Variants in ADCY6 observed in about 807,000 individuals in gnomAD.
ADCY6 encodes adenylate cyclase 6, also known as adenylate cyclase type 6.
In ADCY6, 59 loss-of-function variants were observed where a neutral mutation model predicts 111.6. The ratio of observed to expected loss-of-function variants is 0.53; its 90% CI spans 0.43 to 0.66. ADCY6 has a LOEUF of 0.66. Ranked by LOEUF, ADCY6 falls within the 30% of genes least tolerant of loss-of-function variation. The pLI, the probability that ADCY6 is intolerant of heterozygous loss-of-function variation, is 0.00. For missense variants in ADCY6, 1,242 were observed against 1,595.6 expected, an observed-to-expected ratio of 0.78 and a Z score of 3.78; for synonymous variants, 576 against 642.9, an observed-to-expected ratio of 0.90 and a Z score of 1.57.
In ADCY6 at chr12:48,782,060, T is replaced by C. The variant is rs971280664; in HGVS notation, c.864+511A>G. Among the ~76,000 whole-genome samples the C allele has an allele frequency of 6.6e-6, 1 of 152,172 alleles. No homozygotes were observed. Among genetic ancestry groups the C allele is most frequent in the African/African-American group, 2.4e-5 (1 of 41,436 alleles). On this transcript the variant is annotated intron_variant, in intron 2 of 21. Transcript: ENST00000357869. This position sits in a 1 kb window ranked among gnomAD's most constrained non-coding sequence, Gnocchi z 4.3. ...GTCCAGGAAAGAGGGGACTCCTCTC[T>C]TGCTGACAACATCCAAAACCTGCTC...
At chr12:48,783,478 G>A (rs1485411617) in intron 1 of ADCY6, 40 bp from the exon 2 acceptor site, 2 of 1,612,886 alleles carry the variant, frequency 1.2e-6, no homozygotes, top group Non-Finnish European at 1.7e-6. Flanking sequence ...AGACCATCCA[G>A]TAGGAGTGGT....
intron 2 of ADCY6, among the ~76,000 whole-genome samples, chr12:48,778,856 A>G (rs1941773510): frequency 6.9e-6 from 1 of 145,856 alleles, no homozygotes; most frequent in Admixed American, 6.9e-5. Flanking sequence ...GGTGTCTTCT[A>G]TACACTGAAT....
Position 48,774,949 on chromosome 12 carries a change from G to A in ADCY6, c.2078+8C>T, listed in dbSNP as rs781593816. 6.4e-7 allele frequency: 1 copy of A among 1,551,548 alleles called. No individual in the cohort carries two copies. Among genetic ancestry groups the A allele is most frequent in the South Asian group, 1.2e-5 (1 of 84,104 alleles). On this transcript the variant is annotated splice_region_variant and intron_variant, in intron 12 of 21. Coordinates refer to ENST00000357869, the MANE Select transcript of ADCY6 (RefSeq NM_015270.5). ...GAGAAGCTAAGAGAGGAAAGGCAGG[G>A]CTCTCACTGTGGGAAGATGAGAAGC...
intron 1 of ADCY6, among the ~76,000 whole-genome samples, chr12:48,785,418 G>A (rs1358676429): frequency 2.0e-5 from 3 of 152,248 alleles, no homozygotes; most frequent in Admixed American, 1.3e-4. Context: ...TCAGGAGTTC[G>A]AGACCAGCCG....
At position 48,782,134 on chromosome 12, in the gene ADCY6, C is replaced by T. The variant is rs1011730477; in HGVS notation, c.864+437G>A. Among the ~76,000 whole-genome samples the T allele has an allele frequency of 4.6e-5, 7 of 152,156 alleles. No individual in the cohort carries two copies. Among genetic ancestry groups the T allele is most frequent in the African/African-American group, 1.7e-4 (7 of 41,428 alleles). ...AGCTGCTCTTCAGGGATAGCACCAGCGCCTCAGTCTCTGGTGTCAACTTGC... is the reference window on the plus strand; with the variant it reads ...AGCTGCTCTTCAGGGATAGCACCAGTGCCTCAGTCTCTGGTGTCAACTTGC... On this transcript the variant is annotated intron_variant, in intron 2 of 21. Transcript: ENST00000357869. The surrounding 1 kb of genome is among the most constrained non-coding windows in gnomAD (Gnocchi z 4.3).
In ADCY6 at chr12:48,772,625, G is replaced by A. The variant is rs368084758; in HGVS notation, c.2622-82C>T. 6.6e-5 allele frequency: 99 copies of A among 1,507,894 alleles called. No homozygotes were observed. In the African/African-American group the frequency reaches 1.3e-3, roughly 19 times the overall value. 93.4% of individuals were successfully genotyped at this position (1,507,894 alleles called of 1,614,324 possible). A position where few individuals can be genotyped will look rare whatever the true frequency, so the allele number is the denominator to read the frequency against. ...CACATGGAAGGGGAGACAAGAGACT[G>A]CATTTACTGAGCACATACTGTAAGT... On this transcript the variant is annotated intron_variant, in intron 16 of 21. Coordinates refer to ENST00000357869, the MANE Select transcript of ADCY6 (RefSeq NM_015270.5).
chr12:48,777,756 A>G lies in ADCY6; in HGVS notation c.1015-20T>C. 1 of 1,613,524 alleles carries G rather than the reference A, an allele frequency of 6.2e-7. No individual in the cohort carries two copies. Among genetic ancestry groups the G allele is most frequent in the Non-Finnish European group, 8.5e-7 (1 of 1,179,838 alleles). On this transcript the variant is annotated intron_variant, in intron 3 of 21. Transcript: ENST00000357869. The surrounding 1 kb of genome is among the most constrained non-coding windows in gnomAD (Gnocchi z 4.9). ...CCGCTCCTAGCCCAGTGGTTCCAAT[A>G]GGGCATCACTATACTCTTGGTCTCA...
At position 48,776,541 on chromosome 12, in the gene ADCY6, G is replaced by T; in HGVS notation, c.1422C>A (p.Gly474=). The T allele has an allele frequency of 6.2e-7, 1 of 1,613,474 alleles. No homozygotes were observed. Residue 474 remains glycine, a synonymous_variant, in exon 7 of 22, where the codon GGC becomes GGA. Coordinates refer to ENST00000357869, the MANE Select transcript of ADCY6 (RefSeq NM_015270.5). The surrounding 1 kb of genome is among the most constrained non-coding windows in gnomAD (Gnocchi z 6.1). ...VTGVNVNMRV[G]IHSGRVHCGV... Reference sequence around the variant, plus strand: ...CGCAGTGCACGCGCCCGCTGTGGATGCCCACGCGCATGTTCACATTCACAC... The same window carrying T: ...CGCAGTGCACGCGCCCGCTGTGGATTCCCACGCGCATGTTCACATTCACAC...
At chr12:48,778,439 A>G (rs1033505487) in intron 2 of ADCY6, 182 bp from the exon 3 acceptor site, 13 of 655,120 alleles carry the variant, frequency 2.0e-5, no homozygotes, top group Non-Finnish European at 3.1e-5. Context: ...AGGACCCCAG[A>G]TCCCAGCCAA....
rs757694253 is a variant in ADCY6, at chr12:48,782,655, G to C, written c.780C>G (p.Ala260=). 22 of 1,603,144 alleles carry C rather than the reference G, an allele frequency of 1.4e-5. No individual in the cohort carries two copies. The highest frequency in any genetic ancestry group is 3.3e-4 in the Middle Eastern group (2 of 6,074). Residue 260 remains alanine (A), a synonymous_variant, in exon 2 of 22, where the codon GCC becomes GCG. Coordinates refer to ENST00000357869, the MANE Select transcript of ADCY6 (RefSeq NM_015270.5). The surrounding 1 kb of genome is among the most constrained non-coding windows in gnomAD (Gnocchi z 4.3). ...TGGAGAGGCCCAGGCCGCTGAGGAC[G>C]GCAGCCCGCATGCGGATGGGGAGGA... ...YTLLPIRMRA[A]VLSGLGLSTL...
chr12:48,774,301 C>T, intron 14 of ADCY6, 101 bp downstream of exon 14: 1 of 1,279,226 alleles, frequency 7.8e-7, no homozygotes, highest in South Asian at 1.3e-5. Context: ...GAGGGGGCTC[C>T]CTGAGGGCAG....
chr12:48,772,595 G>C, intron 16 of ADCY6, 52 bp from the exon 17 acceptor site: 2 of 1,605,044 alleles, frequency 1.2e-6, no homozygotes, highest in South Asian at 1.1e-5. Context: ...GGATTGCTGG[G>C]TGGGCACATG....
Position 48,783,041 on chromosome 12 carries a change from G to A in ADCY6, c.394C>T (p.Arg132Cys), listed in dbSNP as rs747242622. The change falls in exon 2 of 22, where the codon CGT (arginine) becomes TGT (cysteine). Residue 132 changes from arginine (R) to cysteine (C), a missense_variant. This residue lies in a region of ADCY6 where 362 missense variants were observed against 377.2 expected (regional missense o/e 0.96). Coordinates refer to ENST00000357869, the MANE Select transcript of ADCY6 (RefSeq NM_015270.5). ...TACAGGCGCTCCAGCTTGGCCGAAC[G>A]GAACTGCTTCGACTGGAACACCTGC... ...LVQVFQSKQF[R>C]SAKLERLYQR... 3.1e-6 allele frequency: 5 copies of A among 1,613,498 alleles called. No individual in the cohort carries two copies. Among genetic ancestry groups the A allele is most frequent in the East Asian group, 2.2e-5 (1 of 44,886 alleles).
At chr12:48,785,389 G>A (rs60946792) in intron 1 of ADCY6, among the ~76,000 whole-genome samples, 2,782 of 152,258 alleles carry the variant, frequency 0.018, 83 homozygotes, top group African/African-American at 0.062. Flanking sequence ...GGAAGCCGAG[G>A]TGAGTGGATC....
intron 2 of ADCY6, among the ~76,000 whole-genome samples, chr12:48,778,872 ATTTT>A (rs1037254707): frequency 9.4e-4 from 68 of 72,400 alleles, no homozygotes; most frequent in African/African-American, 3.4e-3. Flanking sequence ...TGAATAACAC[ATTTT>A]TTTTTTTTTT....
chr12:48,769,819 T>C (rs2137328774), intron 20 of ADCY6, among the ~76,000 whole-genome samples: 1 of 149,928 alleles, frequency 6.7e-6, no homozygotes, highest in African/African-American at 2.5e-5. Flanking sequence ...TGGAGTGCAG[T>C]GGCACCATCT....
rs1431507386 is a variant in ADCY6 at position 48,776,864 on chromosome 12, C to A, written c.1376+240G>T. On this transcript the variant is annotated intron_variant, in intron 6 of 21. Coordinates refer to ENST00000357869, the MANE Select transcript of ADCY6 (RefSeq NM_015270.5). The surrounding 1 kb of genome is among the most constrained non-coding windows in gnomAD (Gnocchi z 6.1). ...CCCTCTGGCCTGCACAGATGGCATT[C>A]CCTCTAGCCCAACTCCCCTACTGCA... Among the ~76,000 whole-genome samples the A allele has an allele frequency of 6.6e-6, 1 of 152,200 alleles. No individual in the cohort carries two copies. Among genetic ancestry groups the A allele is most frequent in the Non-Finnish European group, 1.5e-5 (1 of 68,038 alleles).
In ADCY6 at chr12:48,775,675, G is replaced by T; in HGVS notation, c.1830C>A (p.Asp610Glu). Residue 610 changes from aspartate (D) to glutamate (E), a missense_variant and splice_region_variant, in exon 10 of 22, where the codon GAC (aspartate) becomes GAA (glutamate). Around this residue, in one of 4 missense-constraint regions of ADCY6, gnomAD observed 375 missense variants for 432.5 expected, o/e 0.87. Transcript: ENST00000357869. The part of the protein sequence containing the change: ...RQMGIDDSSK[D>E]NRGTQDALNP... ...CCCTCCTCAGTAACCTGACTTACTT[G>T]TCTTTGCTGGAATCATCAATGCCCT... 7 of 1,613,510 alleles carry T rather than the reference G, an allele frequency of 4.3e-6. No individual in the cohort carries two copies. Among genetic ancestry groups the T allele is most frequent in the Non-Finnish European group, 5.9e-6 (7 of 1,179,546 alleles).
At chr12:48,772,678 C>T (rs1200091450) in intron 16 of ADCY6, 135 bp from the exon 17 acceptor site, 1 of 965,176 alleles carries the variant, frequency 1.0e-6, no homozygotes, top group Non-Finnish European at 1.6e-6. Context: ...CTTTTACTTA[C>T]ATTAATTAAC....
Sources: allele counts gnomAD v4.1 joint callset (sites outside exome capture counted in the v4.1 genomes callset), GRCh38; gene constraint gnomAD v4.1.1; regional missense constraint gnomAD v4.1.1; non-coding constraint Gnocchi (gnomAD v3.1); transcripts MANE v1.5; gene names NCBI Gene and HGNC (gene_info 2026-07-23, HGNC 2026-07-21).